The following GFRA2 variants were observed in gnomAD, a reference collection of about 807,000 sequenced individuals.
The protein encoded by GFRA2 is GDNF family receptor alpha 2.
Under a neutral mutation model 48.3 loss-of-function variants are expected in GFRA2, and 17 were observed. That is an observed-to-expected ratio of 0.35 (90% CI 0.24 to 0.53). GFRA2 has a LOEUF of 0.53. Ranked by LOEUF, GFRA2 falls within the 20% of genes least tolerant of loss-of-function variation. GFRA2 has a pLI of 0.93. For synonymous variants in GFRA2, 305 were observed against 257.2 expected (o/e 1.19, Z -1.78); for missense variants, 660 against 637.3 (o/e 1.04, Z -0.38).
intron 2 of GFRA2, among the ~76,000 whole-genome samples, chr8:21,776,970 T>C (rs1436264230): frequency 1.3e-5 from 2 of 152,194 alleles, no homozygotes; most frequent in African/African-American, 4.8e-5. Context: ...AAATCACTTT[T>C]ACAATAAAAA....
intron 4 of GFRA2, among the ~76,000 whole-genome samples, chr8:21,741,551 T>C (rs1375101895): frequency 6.6e-6 from 1 of 152,122 alleles, no homozygotes; most frequent in Admixed American, 6.6e-5. Flanking sequence ...CAGAGACCAC[T>C]GACACTGTAT....
chr8:21,726,588 G>C (rs1200110737), intron 4 of GFRA2, among the ~76,000 whole-genome samples: 1 of 152,038 alleles, frequency 6.6e-6, no homozygotes, highest in Admixed American at 6.6e-5. Flanking sequence ...CCCGGCATCC[G>C]TTGCTTGTGG....
rs533434899 is a variant in GFRA2, at chr8:21,691,306, A to T, written c.*1972T>A. ...ACCGCACACACATGTACACATGCTCACATACATGGACACACACACACTTGG... is the reference window on the plus strand; with the variant it reads ...ACCGCACACACATGTACACATGCTCTCATACATGGACACACACACACTTGG... On this transcript the variant is annotated 3_prime_UTR_variant, in exon 9 of 9. Coordinates refer to ENST00000524240, the MANE Select transcript of GFRA2 (RefSeq NM_001495.5). 1 of 152,266 alleles carries T rather than the reference A, an allele frequency of 6.6e-6. No individual in the cohort carries two copies. The highest frequency in any genetic ancestry group is 2.4e-5 in the African/African-American group (1 of 41,466). The allele number at this position is 152,266 out of a possible 1,614,324, so 9.4% of individuals were successfully genotyped here. A position where few individuals can be genotyped will look rare whatever the true frequency, so the allele number is the denominator to read the frequency against.
chr8:21,737,232 GGTAGCGC>G (rs796970802), intron 4 of GFRA2, among the ~76,000 whole-genome samples: 66 of 152,288 alleles, frequency 4.3e-4, no homozygotes, highest in African/African-American at 1.5e-3. Context: ...ATCAGGCATT[GGTAGCGC>G]GTGCCTATAG....
chr8:21,783,886 C>A (rs1807136431), intron 1 of GFRA2, among the ~76,000 whole-genome samples: 1 of 151,916 alleles, frequency 6.6e-6, no homozygotes, highest in Non-Finnish European at 1.5e-5. Flanking sequence ...TACCTCTTGT[C>A]TTTCAATGGC....
At chr8:21,773,799 C>T (rs1806554136) in intron 3 of GFRA2, among the ~76,000 whole-genome samples, 1 of 152,232 alleles carries the variant, frequency 6.6e-6, no homozygotes, top group South Asian at 2.1e-4. Flanking sequence ...AGCAGTGCTT[C>T]TCAACTGGCA....
intron 3 of GFRA2, among the ~76,000 whole-genome samples, chr8:21,755,129 G>A (rs867258856): frequency 2.6e-4 from 39 of 152,278 alleles, no homozygotes; most frequent in African/African-American, 8.2e-4. Flanking sequence ...GTATGATACT[G>A]TAATGGAGGA....
In GFRA2 at chr8:21,773,951, A is replaced by G. The variant is rs949900460; in HGVS notation, c.439+1021T>C. ...CTCACAGGACGGCTCCTCCCACAAG[A>G]AAGAATTAACCAGCCCAAAATGTCA... On this transcript the variant is annotated intron_variant, in intron 3 of 8. Coordinates refer to ENST00000524240, the MANE Select transcript of GFRA2 (RefSeq NM_001495.5). 4.8e-4 allele frequency among the ~76,000 whole-genome samples: 73 copies of G among 152,292 alleles called. 1 individual carries two copies. In the East Asian group the frequency reaches 0.013, roughly 26 times the overall value.
chr8:21,751,375 T>C (rs546306100), intron 3 of GFRA2, among the ~76,000 whole-genome samples: 98 of 152,330 alleles, frequency 6.4e-4, no homozygotes, highest in African/African-American at 2.2e-3. Context: ...ACAATGCTCA[T>C]GATGGGATTG....
intron 3 of GFRA2, among the ~76,000 whole-genome samples, chr8:21,759,485 A>AGCAG (rs1339814705): frequency 1.4e-5 from 1 of 71,776 alleles, no homozygotes; most frequent in Non-Finnish European, 2.6e-5. Flanking sequence ...AAAGAAGGAA[A>AGCAG]GAAGGAAGGA....
At chr8:21,742,199 T>C (rs143630445) in intron 4 of GFRA2, among the ~76,000 whole-genome samples, 16 of 152,220 alleles carry the variant, frequency 1.1e-4, no homozygotes, top group African/African-American at 2.9e-4. Flanking sequence ...AAACCCCTAA[T>C]CTCCAGCGTG....
At chr8:21,710,620 C>G (rs768621794) in intron 4 of GFRA2, among the ~76,000 whole-genome samples, 1 of 152,198 alleles carries the variant, frequency 6.6e-6, no homozygotes, top group Non-Finnish European at 1.5e-5. Context: ...GGCCCCTTGG[C>G]TAGGCCCCCG....
chr8:21,748,494 G>T (rs1273736628), intron 4 of GFRA2, among the ~76,000 whole-genome samples: 1 of 152,062 alleles, frequency 6.6e-6, no homozygotes, highest in African/African-American at 2.4e-5. Flanking sequence ...GCCCCATCAA[G>T]GCCACTTCCC....
At chr8:21,746,568 C>T (rs770309818) in intron 4 of GFRA2, among the ~76,000 whole-genome samples, 107 of 152,214 alleles carry the variant, frequency 7.0e-4, no homozygotes, top group Non-Finnish European at 1.3e-3. Context: ...CCAGACATAG[C>T]ACTGCTTGTG....
chr8:21,794,217 C>T (rs1423867851), intron 2 of GFRA2, among the ~76,000 whole-genome samples: 4 of 123,934 alleles, frequency 3.2e-5, no homozygotes, highest in Non-Finnish European at 7.0e-5. Flanking sequence ...AAAAATTAAG[C>T]TTATCCTGAG....
chr8:21,752,236 G>C (rs1805328800), intron 3 of GFRA2, among the ~76,000 whole-genome samples: 1 of 151,800 alleles, frequency 6.6e-6, no homozygotes, highest in South Asian at 2.1e-4. Flanking sequence ...CCATTTTTCT[G>C]CTCCCCTTGA....
intron 4 of GFRA2, among the ~76,000 whole-genome samples, chr8:21,736,342 A>G (rs1389563031): frequency 2.6e-5 from 4 of 152,170 alleles, no homozygotes; most frequent in African/African-American, 9.7e-5. Flanking sequence ...AACAACACAT[A>G]CTGTGTGACA....
intron 2 of GFRA2, among the ~76,000 whole-genome samples, chr8:21,797,287 C>CTTTTTTTTTTTTT (rs1159867192): frequency 4.6e-4 from 39 of 85,646 alleles, no homozygotes; most frequent in East Asian, 1.2e-3. Flanking sequence ...CCTTTCTTTG[C>CTTTTTTTTTTTTT]TTTTTTTTTT....
intron 4 of GFRA2, among the ~76,000 whole-genome samples, chr8:21,707,932 C>T (rs1407232039): frequency 2.0e-5 from 3 of 152,202 alleles, no homozygotes; most frequent in Admixed American, 6.5e-5. Flanking sequence ...ACAAATGCTC[C>T]GTGAGATCTG....
Sources: allele counts gnomAD v4.1 joint callset (sites outside exome capture counted in the v4.1 genomes callset), GRCh38; gene constraint gnomAD v4.1.1; transcripts MANE v1.5; gene names NCBI Gene and HGNC (gene_info 2026-07-23, HGNC 2026-07-21).